The following COA1 variants were observed in gnomAD, a reference collection of about 807,000 sequenced individuals.
COA1 encodes cytochrome c oxidase assembly factor 1 homolog.
COA1 carries 13 observed loss-of-function variants against 16.0 expected under a neutral mutation model. The observed-to-expected ratio is 0.81, with a 90% CI of 0.53 to 1.29. The LOEUF (loss-of-function observed/expected upper bound fraction) is 1.29. Ranked by LOEUF, COA1 falls within the 50% of genes most tolerant of loss-of-function variation. The pLI, the probability that COA1 is intolerant of heterozygous loss-of-function variation, is 0.00. For synonymous variants in COA1, 65 were observed against 65.7 expected (o/e 0.99, Z 0.05); for missense variants, 179 against 177.0 (o/e 1.01, Z -0.06).
chr7:43,683,612 C>T (rs1272879750), intron 1 of COA1, among the ~76,000 whole-genome samples: 2 of 151,514 alleles, frequency 1.3e-5, no homozygotes, highest in Admixed American at 6.6e-5. Context: ...CCAGCCTGGG[C>T]GACAGAGCGA....
Position 43,679,762 on chromosome 7 carries a change from A to C in COA1, c.-38-31110T>G, listed in dbSNP as rs375074000. Among the ~76,000 whole-genome samples the C allele has an allele frequency of 2.5e-4, 38 of 152,330 alleles. No homozygotes were observed. In the South Asian group the frequency reaches 7.7e-3, roughly 31 times the overall value. On this transcript the variant is annotated intron_variant, in intron 1 of 5. Coordinates refer to ENST00000223336, the MANE Select transcript of COA1 (RefSeq NM_018224.4). The stretch of plus-strand genomic sequence containing the variant: ...AGTCAAGGATAGTGGAGTATGCAAG[A>C]AATGTAGGAATAAGAAGCAGCAGAA...
At chr7:43,698,664 T>C (rs2094603821) in intron 1 of COA1, among the ~76,000 whole-genome samples, 1 of 152,226 alleles carries the variant, frequency 6.6e-6, no homozygotes. Flanking sequence ...CTTATTATGC[T>C]AATCATTTGT....
intron 3 of COA1, chr7:43,646,055 A>C (rs1304693626): frequency 6.5e-6 from 1 of 153,996 alleles, no homozygotes; most frequent in African/African-American, 2.4e-5. Flanking sequence ...GTAAGTTCTA[A>C]TAATCAGCTG....
intron 3 of COA1, chr7:43,646,914 GA>G: frequency 5.1e-6 from 1 of 195,232 alleles, no homozygotes; most frequent in Non-Finnish European, 1.1e-5. Flanking sequence ...AGCCAGTCTA[GA>G]AAAAACTGCT....
chr7:43,620,651 G>A (rs183523939), intron 6 of COA1, among the ~76,000 whole-genome samples: 469 of 150,794 alleles, frequency 3.1e-3, no homozygotes, highest in South Asian at 8.0e-3. Flanking sequence ...TCCAGCCTGG[G>A]CGACAGAGTG....
chr7:43,659,885 A>G (rs1343183179), intron 1 of COA1, among the ~76,000 whole-genome samples: 1 of 152,182 alleles, frequency 6.6e-6, no homozygotes, highest in African/African-American at 2.4e-5. Context: ...GTCTTTAAAG[A>G]GGTAATTAAA....
At chr7:43,681,097 ATCTGTCATTTTTACCCTCATCATT>A (rs2093749727) in intron 1 of COA1, among the ~76,000 whole-genome samples, 1 of 152,116 alleles carries the variant, frequency 6.6e-6, no homozygotes, top group Non-Finnish European at 1.5e-5. Context: ...TGTCTTCAGT[ATCTGTCATTTTTACCCTCATCATT>A]TCTGTCATTT....
chr7:43,648,440 G>A (rs1030058585), intron 2 of COA1, 160 bp downstream of exon 2: 31 of 796,768 alleles, frequency 3.9e-5, no homozygotes, highest in Non-Finnish European at 6.1e-5. Flanking sequence ...GGGAAACAAT[G>A]CAGAAAATGC....
chr7:43,652,594 A>G (rs888263003), intron 1 of COA1, among the ~76,000 whole-genome samples: 1 of 152,358 alleles, frequency 6.6e-6, no homozygotes, highest in East Asian at 1.9e-4. Flanking sequence ...CAGAAGAATC[A>G]GCTTCTCACA....
chr7:43,674,703 C>T (rs748408855), intron 1 of COA1, among the ~76,000 whole-genome samples: 3 of 151,310 alleles, frequency 2.0e-5, no homozygotes, highest in African/African-American at 4.8e-5. Context: ...GTCAAGGACA[C>T]GATTTCCTTG....
chr7:43,728,928 T>C (rs1054042496), intron 1 of COA1, among the ~76,000 whole-genome samples: 7 of 152,212 alleles, frequency 4.6e-5, no homozygotes, highest in African/African-American at 1.7e-4. Flanking sequence ...ATACATCCAA[T>C]GTCCCCTACA....
intron 6 of COA1, among the ~76,000 whole-genome samples, chr7:43,612,905 G>C (rs2083006045): frequency 1.3e-5 from 2 of 152,098 alleles, no homozygotes; most frequent in Non-Finnish European, 2.9e-5. Context: ...ATGATTAAGA[G>C]AAAACCCATT....
At chr7:43,633,058 C>T (rs1260150976) in intron 6 of COA1, 2 of 152,226 alleles carry the variant, frequency 1.3e-5, no homozygotes, top group Admixed American at 6.5e-5. Context: ...CAAGAGTCAG[C>T]TTGTCCTTTG....
At chr7:43,675,086 A>C (rs1039804793) in intron 1 of COA1, among the ~76,000 whole-genome samples, 6 of 152,210 alleles carry the variant, frequency 3.9e-5, no homozygotes, top group Admixed American at 1.3e-4. Flanking sequence ...CTATAGAATA[A>C]ATAAGTGCAC....
chr7:43,718,832 C>T (rs1030564533), intron 1 of COA1, among the ~76,000 whole-genome samples: 7 of 152,168 alleles, frequency 4.6e-5, no homozygotes, highest in East Asian at 1.9e-4. Flanking sequence ...CAGTTAATTT[C>T]GACTCATTCT....
At chr7:43,632,533 G>C (rs1486100341) in intron 6 of COA1, 1 of 152,182 alleles carries the variant, frequency 6.6e-6, no homozygotes, top group Non-Finnish European at 1.5e-5. Flanking sequence ...AGAACCATCA[G>C]AGAAACCACA....
chr7:43,644,740 A>G (rs6952291), intron 4 of COA1, among the ~76,000 whole-genome samples: 1 of 85,632 alleles, frequency 1.2e-5, no homozygotes, highest in South Asian at 3.6e-4. Context: ...ATAGATAGAT[A>G]GATAGATAGA....
chr7:43,646,310 T>A, intron 3 of COA1: 1 of 310,428 alleles, frequency 3.2e-6, no homozygotes, highest in Non-Finnish European at 6.6e-6. Flanking sequence ...AGACAGCTAA[T>A]CTTTATTGAG....
intron 6 of COA1, chr7:43,631,380 C>T (rs2085157659): frequency 6.6e-6 from 1 of 152,312 alleles, no homozygotes; most frequent in Admixed American, 6.5e-5. Flanking sequence ...CATGTGCCAC[C>T]ATGCCTGGCT....
Sources: allele counts gnomAD v4.1 joint callset (sites outside exome capture counted in the v4.1 genomes callset), GRCh38; gene constraint gnomAD v4.1.1; transcripts MANE v1.5; gene names NCBI Gene and HGNC (gene_info 2026-07-23, HGNC 2026-07-21).